ECT2L: variants seen among roughly 807,000 people sequenced by gnomAD.
ECT2L encodes the protein epithelial cell-transforming sequence 2 oncogene-like.
Under a neutral mutation model 122.8 loss-of-function variants are expected in ECT2L, and 126 were observed. The observed-to-expected ratio is 1.03, with a 90% CI of 0.89 to 1.19. The LOEUF is 1.19. Ranked by LOEUF, ECT2L falls within the 50% of genes most tolerant of loss-of-function variation. The pLI, the probability that ECT2L is intolerant of heterozygous loss-of-function variation, is 0.00. For missense variants in ECT2L, 1,012 were observed against 1,064.1 expected (o/e 0.95, Z 0.68); for synonymous variants, 385 against 381.8 (o/e 1.01, Z -0.10).
At chr6:138,901,245 A>AT in intron 21 of ECT2L, 125 bp downstream of exon 21, 3 of 965,958 alleles carry the variant, frequency 3.1e-6, no homozygotes, top group Non-Finnish European at 4.5e-6. Flanking sequence ...AATTCCCCCA[A>AT]TATTAGAATT....
intron 14 of ECT2L, 46 bp downstream of exon 14, chr6:138,876,604 T>C: frequency 1.5e-6 from 2 of 1,294,044 alleles, no homozygotes; most frequent in Non-Finnish European, 2.2e-6. Flanking sequence ...TTGCTCCTGA[T>C]AGTGAAATTT....
At chr6:138,856,846 G>A (rs1777628763) in intron 10 of ECT2L, among the ~76,000 whole-genome samples, 1 of 152,106 alleles carries the variant, frequency 6.6e-6, no homozygotes, top group Non-Finnish European at 1.5e-5. Context: ...AATTTCCTTG[G>A]TAAATTCATT....
At position 138,887,659 on chromosome 6, in the gene ECT2L, CCCTT is replaced by C. The variant is rs1408762306; in HGVS notation, c.2325+738_2325+741del. ...ATAGAATTTCATCTGGCCCCACCCT[CCCTT>C]ATCTCTTACAGTTTTCCTGACTTCC... On this transcript the variant is annotated intron_variant, in intron 19 of 21. Transcript: ENST00000541398. 2.6e-5 allele frequency among the ~76,000 whole-genome samples: 4 copies of C among 152,326 alleles called. No individual in the cohort carries two copies. In the East Asian group the frequency reaches 7.7e-4, roughly 29 times the overall value.
intron 13 of ECT2L, among the ~76,000 whole-genome samples, chr6:138,871,736 T>C (rs1326321803): frequency 6.6e-6 from 1 of 151,280 alleles, no homozygotes; most frequent in Non-Finnish European, 1.5e-5. Flanking sequence ...ACCAGGGAGG[T>C]AGAGGTTGTA....
chr6:138,818,424 G>A (rs770945650), intron 4 of ECT2L, among the ~76,000 whole-genome samples: 3 of 152,278 alleles, frequency 2.0e-5, no homozygotes, highest in Middle Eastern at 3.4e-3. Flanking sequence ...TGTGATCTGT[G>A]AGGCAATCTG....
At chr6:138,812,595 G>A (rs543927489) in intron 1 of ECT2L, among the ~76,000 whole-genome samples, 1 of 152,208 alleles carries the variant, frequency 6.6e-6, no homozygotes, top group South Asian at 2.1e-4. Context: ...TTTGAGGTCT[G>A]TGAGTTCGAG....
chr6:138,851,727 C>T (rs1777458981), intron 9 of ECT2L, among the ~76,000 whole-genome samples: 1 of 151,986 alleles, frequency 6.6e-6, no homozygotes, highest in South Asian at 2.1e-4. Flanking sequence ...ATTCCCTTAT[C>T]AAATATATGA....
chr6:138,804,148 A>C (rs578120780), intron 1 of ECT2L, among the ~76,000 whole-genome samples: 1 of 152,270 alleles, frequency 6.6e-6, no homozygotes, highest in South Asian at 2.1e-4. Context: ...TTGAGCCAAA[A>C]TCTTCCTCTC....
chr6:138,810,300 A>G (rs1775848366), intron 1 of ECT2L, among the ~76,000 whole-genome samples: 1 of 152,216 alleles, frequency 6.6e-6, no homozygotes, highest in African/African-American at 2.4e-5. Flanking sequence ...GCTGAAAACT[A>G]TGTCTACTGG....
chr6:138,840,872 C>A (rs1321968090), intron 5 of ECT2L, among the ~76,000 whole-genome samples: 1 of 152,112 alleles, frequency 6.6e-6, no homozygotes, highest in Non-Finnish European at 1.5e-5. Context: ...CTCCCTTTTT[C>A]TCCTAGTATT....
intron 1 of ECT2L, among the ~76,000 whole-genome samples, chr6:138,805,728 C>T (rs543855893): frequency 6.6e-6 from 1 of 152,276 alleles, no homozygotes; most frequent in East Asian, 1.9e-4. Context: ...TATCCCAGCC[C>T]AGGCTTATTT....
At chr6:138,886,607 G>A (rs1281815100) in intron 18 of ECT2L, among the ~76,000 whole-genome samples, 1 of 151,616 alleles carries the variant, frequency 6.6e-6, no homozygotes. Context: ...GTGTAGAGAT[G>A]AGGTTTCACC....
intron 1 of ECT2L, among the ~76,000 whole-genome samples, chr6:138,807,482 A>G (rs541424271): frequency 1.3e-5 from 2 of 152,258 alleles, no homozygotes; most frequent in South Asian, 4.2e-4. Flanking sequence ...CCACTGCTAC[A>G]TAATGCCGGT....
At chr6:138,827,749 G>A (rs1366113738) in intron 4 of ECT2L, among the ~76,000 whole-genome samples, 2 of 152,060 alleles carry the variant, frequency 1.3e-5, no homozygotes, top group Non-Finnish European at 2.9e-5. Context: ...AGTAGAGACG[G>A]GGTTTCACCA....
chr6:138,889,331 C>CT (rs914814006), intron 20 of ECT2L, among the ~76,000 whole-genome samples: 299 of 147,004 alleles, frequency 2.0e-3, no homozygotes, highest in East Asian at 3.9e-3. Flanking sequence ...TTTTCTTTTT[C>CT]TTTTTTTTTT....
At chr6:138,864,002 T>TTAAA (rs1417290086) in intron 11 of ECT2L, among the ~76,000 whole-genome samples, 1 of 55,844 alleles carries the variant, frequency 1.8e-5, no homozygotes, top group African/African-American at 7.8e-5. Flanking sequence ...TCTCCGTATT[T>TTAAA]AAAAAAAAAA....
At chr6:138,804,822 A>G (rs1229169276) in intron 1 of ECT2L, among the ~76,000 whole-genome samples, 1 of 152,194 alleles carries the variant, frequency 6.6e-6, no homozygotes. Flanking sequence ...GTGGTACTTG[A>G]TGTTATTGTA....
chr6:138,887,960 C>T (rs1778884220), intron 19 of ECT2L, among the ~76,000 whole-genome samples: 2 of 152,184 alleles, frequency 1.3e-5, no homozygotes, highest in African/African-American at 4.8e-5. Flanking sequence ...ATTCATGAAA[C>T]TGGGAGCTCC....
intron 7 of ECT2L, among the ~76,000 whole-genome samples, chr6:138,844,979 T>C (rs562954781): frequency 1.5e-3 from 226 of 152,288 alleles, no homozygotes; most frequent in Non-Finnish European, 2.8e-3. Flanking sequence ...TAGTATATTT[T>C]CTGTATTAAG....
Sources: gnomAD v4.1 joint callset for allele counts (sites outside exome capture counted in the v4.1 genomes callset) on GRCh38, gnomAD v4.1.1 for gene constraint, MANE v1.5 for transcripts, NCBI Gene and HGNC (gene_info 2026-07-23, HGNC 2026-07-21) for gene names.